The following TULP4 variants were observed in gnomAD, a reference collection of about 807,000 sequenced individuals.
TULP4 encodes TUB like protein 4.
TULP4 carries 16 observed loss-of-function variants against 129.0 expected under a neutral mutation model. The ratio of observed to expected loss-of-function variants is 0.12; its 90% CI spans 0.08 to 0.19. TULP4 has a LOEUF of 0.19. Ranked by LOEUF, TULP4 falls within the 10% of genes least tolerant of loss-of-function variation. TULP4 has a pLI of 1.00. For synonymous variants in TULP4, 998 were observed against 854.0 expected, an observed-to-expected ratio of 1.17 and a Z score of -2.94; for missense variants, 1,842 against 2,059.1, an observed-to-expected ratio of 0.89 and a Z score of 2.04.
chr6:158,473,824 T>C (rs1433549658), intron 6 of TULP4, among the ~76,000 whole-genome samples: 5 of 150,872 alleles, frequency 3.3e-5, no homozygotes, highest in Non-Finnish European at 5.9e-5. Context: ...GCCTGGCCTT[T>C]TAAAAATTTG....
chr6:158,427,056 T>C (rs1385340213), intron 2 of TULP4, among the ~76,000 whole-genome samples: 3 of 152,220 alleles, frequency 2.0e-5, no homozygotes, highest in Admixed American at 1.3e-4. Context: ...CTAGTGATTT[T>C]TGTATGTTGA....
intron 6 of TULP4, among the ~76,000 whole-genome samples, chr6:158,471,782 ACTTAGTAAAT>A (rs1297402022): frequency 6.7e-6 from 1 of 148,390 alleles, no homozygotes; most frequent in Non-Finnish European, 1.5e-5. Flanking sequence ...CGTAGTAGGT[ACTTAGTAAAT>A]CTTTCTTCAG....
intron 1 of TULP4, among the ~76,000 whole-genome samples, chr6:158,296,797 A>C (rs1779042912): frequency 6.6e-6 from 1 of 152,170 alleles, no homozygotes; most frequent in Non-Finnish European, 1.5e-5. Flanking sequence ...ACAAGTTTTT[A>C]TTAGGGATTT....
At chr6:158,481,000 T>C in intron 7 of TULP4, 55 bp from the exon 8 acceptor site, 1 of 1,461,430 alleles carries the variant, frequency 6.8e-7, no homozygotes, top group East Asian at 2.3e-5. Context: ...TCTCTTTCCC[T>C]CTCTCTCTGC....
At chr6:158,441,131 C>T (rs548935301) in intron 3 of TULP4, among the ~76,000 whole-genome samples, 5 of 152,168 alleles carry the variant, frequency 3.3e-5, no homozygotes, top group Admixed American at 1.3e-4. Flanking sequence ...GCCCAGCCAA[C>T]GTGGTGAAAC....
intron 1 of TULP4, among the ~76,000 whole-genome samples, chr6:158,287,775 A>T (rs1179566382): frequency 6.6e-6 from 1 of 152,226 alleles, no homozygotes; most frequent in African/African-American, 2.4e-5. Context: ...AAATATATTC[A>T]TACTTTGAAA....
rs10583634 is a variant in TULP4, at chr6:158,269,380, TAA to T, written n.68+37096_68+37097del. Among the ~76,000 whole-genome samples the T allele has an allele frequency of 4.2e-3, 548 of 131,080 alleles. 5 individuals carry two copies. Among genetic ancestry groups the T allele is most frequent in the South Asian group, 0.015 (62 of 4,074 alleles). 86.0% of individuals were successfully genotyped at this position (131,080 alleles called of 152,430 possible). The stretch of plus-strand genomic sequence containing the variant: ...CTTTGAACTTTAGTTTCAGCATTTG[TAA>T]AAAAAAAAAAAAAAAAAAGGATTTT... On this transcript the variant is annotated intron_variant and non_coding_transcript_variant, in intron 1 of 1. Transcript: ENST00000620026.
intron 1 of TULP4, among the ~76,000 whole-genome samples, chr6:158,269,380 TAAAAAA>T (rs10583634): frequency 1.1e-4 from 14 of 131,092 alleles, no homozygotes; most frequent in Admixed American, 1.5e-4. Context: ...TCAGCATTTG[TAAAAAA>T]AAAAAAAAAA....
At chr6:158,438,639 C>T (rs1778809111) in intron 3 of TULP4, among the ~76,000 whole-genome samples, 1 of 152,122 alleles carries the variant, frequency 6.6e-6, no homozygotes, top group South Asian at 2.1e-4. Flanking sequence ...GGCTAGAGTG[C>T]AGTGGCGTGA....
intron 1 of TULP4, among the ~76,000 whole-genome samples, chr6:158,395,673 G>T (rs571834354): frequency 2.3e-5 from 3 of 131,980 alleles, no homozygotes; most frequent in African/African-American, 8.3e-5. Context: ...ATGGGCGGGG[G>T]GGGGGTCATG....
intron 6 of TULP4, among the ~76,000 whole-genome samples, chr6:158,467,357 G>A (rs1779577479): frequency 1.4e-5 from 2 of 147,092 alleles, no homozygotes; most frequent in African/African-American, 2.5e-5. Flanking sequence ...AGCGTTCACT[G>A]CAACCTCTGC....
At chr6:158,394,461 A>G (rs1562548439) in intron 1 of TULP4, among the ~76,000 whole-genome samples, 2 of 151,936 alleles carry the variant, frequency 1.3e-5, no homozygotes, top group African/African-American at 2.4e-5. Context: ...GATTTTCTGT[A>G]TTACTTCCAT....
At position 158,452,195 on chromosome 6, in the gene TULP4, C is replaced by T; in HGVS notation, c.786C>T (p.Phe262=). The T allele has an allele frequency of 6.2e-7, 1 of 1,614,252 alleles. No individual in the cohort carries two copies. Among genetic ancestry groups the T allele is most frequent in the Non-Finnish European group, 8.5e-7 (1 of 1,180,042 alleles). ...QNIKPLLTVS[F]TSGDISLMNN... The stretch of plus-strand genomic sequence containing the variant: ...TCAAGCCTCTGCTCACCGTCAGCTT[C>T]ACCTCGGGAGACATCAGCTTAATGA... Residue 262 remains phenylalanine, a synonymous_variant, in exon 5 of 14, where the codon TTC becomes TTT. Coordinates refer to ENST00000367097, the MANE Select transcript of TULP4 (RefSeq NM_020245.5).
At chr6:158,314,375 T>G (rs1479862402) in intron 1 of TULP4, 107 bp downstream of exon 1, 3 of 1,331,298 alleles carry the variant, frequency 2.3e-6, no homozygotes, top group Non-Finnish European at 3.1e-6. Flanking sequence ...TGCTGCCTAG[T>G]GAGACTTCCC....
intron 1 of TULP4, among the ~76,000 whole-genome samples, chr6:158,271,995 G>A (rs934604949): frequency 1.3e-5 from 2 of 152,150 alleles, no homozygotes; most frequent in African/African-American, 4.8e-5. Flanking sequence ...TATTTAGAAC[G>A]TTTAATTTCT....
chr6:158,448,999 C>T lies in TULP4; in HGVS notation c.547C>T (p.Leu183=), dbSNP rs968432571. 6.2e-7 allele frequency: 1 copy of T among 1,606,504 alleles called. No homozygotes were observed. ...GIWTPDDQQV[L]FGTADGQVIV... The stretch of plus-strand genomic sequence containing the variant: ...AGGTCCCCATCCTGGATTGCAGGTG[C>T]TGTTTGGCACGGCCGATGGGCAGGT... The change falls in exon 4 of 14, where the codon CTG becomes TTG. Residue 183 remains leucine (L), a synonymous_variant. Transcript: ENST00000367097.
At chr6:158,350,669 G>A (rs1053636487) in intron 1 of TULP4, among the ~76,000 whole-genome samples, 15 of 152,130 alleles carry the variant, frequency 9.9e-5, no homozygotes, top group Non-Finnish European at 1.8e-4. Flanking sequence ...AGGTTGCAGC[G>A]AGCTGAGATC....
intron 1 of TULP4, among the ~76,000 whole-genome samples, chr6:158,296,257 G>T (rs1779029310): frequency 6.6e-6 from 1 of 151,104 alleles, no homozygotes; most frequent in Non-Finnish European, 1.5e-5. Context: ...GATTTCCTGG[G>T]CTCAAGCAAT....
At chr6:158,421,864 G>A (rs341144) in intron 2 of TULP4, among the ~76,000 whole-genome samples, 37,650 of 152,102 alleles carry the variant, frequency 0.25, 5,772 homozygotes, top group Middle Eastern at 0.35. Context: ...TGTGATGAGA[G>A]TTTATGATTT....
Sources: allele counts gnomAD v4.1 joint callset (sites outside exome capture counted in the v4.1 genomes callset), GRCh38; gene constraint gnomAD v4.1.1; transcripts MANE v1.5; gene names NCBI Gene and HGNC (gene_info 2026-07-23, HGNC 2026-07-21).